WDFY2: variants seen among roughly 807,000 people sequenced by gnomAD.
WDFY2 encodes WD repeat and FYVE domain-containing protein 2.
WDFY2 carries 36 observed loss-of-function variants against 56.4 expected under a neutral mutation model. The ratio of observed to expected loss-of-function variants is 0.64; its 90% CI spans 0.49 to 0.84. The LOEUF is 0.84. WDFY2 is among the 40% of genes least tolerant of loss of function. The pLI is 0.00. For synonymous variants in WDFY2, 176 were observed against 183.7 expected, an observed-to-expected ratio of 0.96 and a Z score of 0.34; for missense variants, 444 against 512.2, an observed-to-expected ratio of 0.87 and a Z score of 1.29.
intron 6 of WDFY2, among the ~76,000 whole-genome samples, chr13:51,729,473 A>T (rs1441549005): frequency 6.6e-6 from 1 of 151,120 alleles, no homozygotes; most frequent in Non-Finnish European, 1.5e-5. Context: ...CCCAACAAAC[A>T]AACTTTTTCT....
chr13:51,637,095 A>C (rs1318392499), intron 1 of WDFY2, among the ~76,000 whole-genome samples: 3 of 152,216 alleles, frequency 2.0e-5, no homozygotes, highest in African/African-American at 4.8e-5. Flanking sequence ...GCCTGGCACT[A>C]TAAGGTGTGT....
intron 7 of WDFY2, among the ~76,000 whole-genome samples, chr13:51,739,776 C>T (rs1202556425): frequency 3.9e-5 from 6 of 152,154 alleles, no homozygotes; most frequent in Non-Finnish European, 7.4e-5. Flanking sequence ...ATGTCCGGTC[C>T]CTGTCTGCTA....
At position 51,677,164 on chromosome 13, in the gene WDFY2, C is replaced by CATCA. The variant is rs1955902656; in HGVS notation, c.279+1922_279+1925dup. On this transcript the variant is annotated intron_variant, in intron 3 of 11. Coordinates refer to ENST00000298125, the MANE Select transcript of WDFY2 (RefSeq NM_052950.4). The stretch of plus-strand genomic sequence containing the variant: ...AAATAAAACTGCCAGGGAAGCAAAG[C>CATCA]ATCAGTCAGGGTCCATCTTTCCAAG... Among the ~76,000 whole-genome samples, 3 of 152,224 alleles carry CATCA rather than the reference C, an allele frequency of 2.0e-5. No individual in the cohort carries two copies. The South Asian group carries it at 6.2e-4, about 31-fold the overall frequency.
chr13:51,677,187 A>G (rs1346242307), intron 3 of WDFY2, among the ~76,000 whole-genome samples: 1 of 152,238 alleles, frequency 6.6e-6, no homozygotes, highest in Non-Finnish European at 1.5e-5. Context: ...CCATCTTTCC[A>G]AGTATGTCAG....
At position 51,762,174 on chromosome 13, in the gene WDFY2, A is replaced by G. The variant is rs1365379278; in HGVS notation, c.*2405A>G. 6.6e-6 allele frequency: 1 copy of G among 152,268 alleles called. No homozygotes were observed. The highest frequency in any genetic ancestry group is 1.5e-5 in the Non-Finnish European group (1 of 68,110). The allele number at this position is 152,268 out of a possible 1,614,324, so 9.4% of individuals were successfully genotyped here. ...AACTTTGAGCTTGGCCTGCCGGCAG[A>G]GAGAGGAACACAGTATTAGGGCAGC... On this transcript the variant is annotated 3_prime_UTR_variant, in exon 12 of 12. Coordinates refer to ENST00000298125, the MANE Select transcript of WDFY2 (RefSeq NM_052950.4).
At chr13:51,685,452 C>T (rs1382477163) in intron 3 of WDFY2, among the ~76,000 whole-genome samples, 2 of 152,118 alleles carry the variant, frequency 1.3e-5, no homozygotes, top group Non-Finnish European at 2.9e-5. Flanking sequence ...TGACTGGAAG[C>T]CTTACTGATA....
chr13:51,741,475 G>C (rs1952972102), intron 7 of WDFY2, among the ~76,000 whole-genome samples: 1 of 152,160 alleles, frequency 6.6e-6, no homozygotes, highest in Non-Finnish European at 1.5e-5. Context: ...TGAATGCCAG[G>C]GTGGGGATAG....
intron 3 of WDFY2, among the ~76,000 whole-genome samples, chr13:51,690,988 T>C (rs552107516): frequency 6.6e-6 from 1 of 152,358 alleles, no homozygotes; most frequent in Admixed American, 6.5e-5. Context: ...GCTGCATAAA[T>C]GTCTTATTTT....
chr13:51,604,315 G>C lies in WDFY2; in HGVS notation c.137+19491G>C, dbSNP rs547872016. ...CCTCAGAAATCTCTGCTTCAGATTA[G>C]CCTCTGAATGAGTTGAGAGAAACAT... On this transcript the variant is annotated intron_variant, in intron 1 of 11. Coordinates refer to ENST00000298125, the MANE Select transcript of WDFY2 (RefSeq NM_052950.4). 5.3e-5 allele frequency among the ~76,000 whole-genome samples: 8 copies of C among 152,202 alleles called. No homozygotes were observed. In the East Asian group the frequency reaches 1.5e-3, roughly 29 times the overall value.
At chr13:51,717,887 C>T (rs1952394222) in intron 4 of WDFY2, among the ~76,000 whole-genome samples, 1 of 152,140 alleles carries the variant, frequency 6.6e-6, no homozygotes, top group African/African-American at 2.4e-5. Context: ...AATGACTGCC[C>T]TGTGGCTGTT....
chr13:51,623,099 C>T (rs796518836), intron 1 of WDFY2, among the ~76,000 whole-genome samples: 3 of 152,190 alleles, frequency 2.0e-5, no homozygotes, highest in African/African-American at 7.2e-5. Context: ...TTCAAGTGAT[C>T]TACCCTCCTT....
chr13:51,623,576 G>A (rs1954782490), intron 1 of WDFY2, among the ~76,000 whole-genome samples: 1 of 151,920 alleles, frequency 6.6e-6, no homozygotes, highest in South Asian at 2.1e-4. Flanking sequence ...GGTTATAGTT[G>A]CTGATTTTTT....
rs187478949 is a variant in WDFY2 at position 51,684,590 on chromosome 13, C to T, written c.279+9347C>T. On this transcript the variant is annotated intron_variant, in intron 3 of 11. Coordinates refer to ENST00000298125, the MANE Select transcript of WDFY2 (RefSeq NM_052950.4). The stretch of plus-strand genomic sequence containing the variant: ...TTCTCATGAGCCTGAGACTGCACTC[C>T]AGTTTAGCATATTCTAAATAGAAAT... Among the ~76,000 whole-genome samples the T allele has an allele frequency of 1.8e-4, 27 of 152,178 alleles. No homozygotes were observed. The East Asian group carries it at 5.2e-3, about 29-fold the overall frequency.
chr13:51,707,029 C>T (rs1952097140), intron 4 of WDFY2, among the ~76,000 whole-genome samples: 1 of 151,948 alleles, frequency 6.6e-6, no homozygotes, highest in African/African-American at 2.4e-5. Flanking sequence ...TTAAGAGAAC[C>T]AAATAGAACT....
intron 1 of WDFY2, among the ~76,000 whole-genome samples, chr13:51,626,884 C>T (rs531575346): frequency 3.6e-4 from 55 of 152,342 alleles, no homozygotes; most frequent in Non-Finnish European, 7.3e-4. Flanking sequence ...CCCATTCAGC[C>T]CAGCAGGCTG....
At chr13:51,733,591 G>T (rs1019567817) in intron 6 of WDFY2, among the ~76,000 whole-genome samples, 1 of 152,222 alleles carries the variant, frequency 6.6e-6, no homozygotes, top group Non-Finnish European at 1.5e-5. Flanking sequence ...GTGGTAGATT[G>T]ACTGGGAACA....
intron 4 of WDFY2, among the ~76,000 whole-genome samples, chr13:51,716,462 G>A (rs561267465): frequency 2.0e-5 from 3 of 152,084 alleles, no homozygotes; most frequent in Admixed American, 6.5e-5. Context: ...GGAGGCCGAG[G>A]CGGGCGGATC....
intron 1 of WDFY2, chr13:51,588,126 C>A (rs1290393425): frequency 6.6e-6 from 1 of 152,156 alleles, no homozygotes; most frequent in African/African-American, 2.4e-5. Flanking sequence ...GATTATATAC[C>A]CAAAGGGCAT....
chr13:51,615,445 T>G (rs1954593156), intron 1 of WDFY2, among the ~76,000 whole-genome samples: 2 of 152,322 alleles, frequency 1.3e-5, no homozygotes, highest in Non-Finnish European at 2.9e-5. Flanking sequence ...AAAGGCACTT[T>G]TCATATATTT....
Sources: gnomAD v4.1 joint callset for allele counts (sites outside exome capture counted in the v4.1 genomes callset) on GRCh38, gnomAD v4.1.1 for gene constraint, MANE v1.5 for transcripts, NCBI Gene and HGNC (gene_info 2026-07-23, HGNC 2026-07-21) for gene names.